Variants in NXPE4 observed in about 807,000 individuals in gnomAD.
The protein encoded by NXPE4 is neurexophilin and PC-esterase domain family member 4.
Under a neutral mutation model 33.3 loss-of-function variants are expected in NXPE4, and 42 were observed. The observed-to-expected ratio is 1.26, with a 90% CI of 0.98 to 1.63. The LOEUF is 1.63. Ranked by LOEUF, NXPE4 falls within the 40% of genes most tolerant of loss-of-function variation. The pLI, the probability that NXPE4 is intolerant of heterozygous loss-of-function variation, is 0.00. For synonymous variants in NXPE4, 253 were observed against 234.9 expected (o/e 1.08, Z -0.71); for missense variants, 709 against 647.6 (o/e 1.09, Z -1.03).
the NXPE4 span, among the ~76,000 whole-genome samples, chr11:114,666,306 G>A: frequency 6.6e-6 from 1 of 152,082 alleles, no homozygotes; most frequent in Non-Finnish European, 1.5e-5. Flanking sequence ...TTGCTAGCCT[G>A]AGGCCAGTTC....
chr11:114,580,288 T>C lies in NXPE4; in HGVS notation c.943A>G (p.Ile315Val), dbSNP rs193088648. The change falls in exon 5 of 6, where the codon ATC (isoleucine) becomes GTC (valine). Residue 315 changes from isoleucine (I) to valine (V), a missense_variant. Transcript: ENST00000375478. ...TTTCTCCAGACATGCCCACTGGGGA[T>C]TGTGGATGTCATTCCAAACTTGCAT... Reference protein sequence around the residue: ...EKCKFGMTSTIPSGHVWRNTW... With the variant: ...EKCKFGMTSTVPSGHVWRNTW... 5,497 of 1,614,066 alleles carry C rather than the reference T, an allele frequency of 3.4e-3. 14 individuals carry two copies. Among genetic ancestry groups the C allele is most frequent in the Non-Finnish European group, 4.2e-3 (4,945 of 1,179,944 alleles).
At chr11:114,608,894 C>T in the NXPE4 span, among the ~76,000 whole-genome samples, 1 of 150,232 alleles carries the variant, frequency 6.7e-6, no homozygotes, top group South Asian at 2.1e-4. Flanking sequence ...AGTATTGCCT[C>T]GTGGGTAACC....
At chr11:114,623,264 T>C in the NXPE4 span, among the ~76,000 whole-genome samples, 5 of 152,206 alleles carry the variant, frequency 3.3e-5, no homozygotes, top group African/African-American at 1.2e-4. Flanking sequence ...GTAATACATA[T>C]TGCCTCGTGG....
chr11:114,592,526 C>T (rs187965092), intron 2 of NXPE4, among the ~76,000 whole-genome samples: 35 of 151,962 alleles, frequency 2.3e-4, no homozygotes, highest in Non-Finnish European at 4.6e-4. Context: ...CACACACACA[C>T]ACACTCACAC....
rs111682413 is a variant in NXPE4 at position 114,592,757 on chromosome 11, G to T, written c.96+1907C>A. ...AGCAAAAAGAACAAAGCTGAAGGCA[G>T]TATATTACCTGACTTCAAAATATAC... On this transcript the variant is annotated intron_variant, in intron 2 of 5. Coordinates refer to ENST00000375478, the MANE Select transcript of NXPE4 (RefSeq NM_001077639.2). Among the ~76,000 whole-genome samples the T allele has an allele frequency of 3.5e-3, 525 of 152,158 alleles. 3 individuals carry two copies. The highest frequency in any genetic ancestry group is 0.012 in the African/African-American group (500 of 41,548).
chr11:114,649,087 A>T, the NXPE4 span, among the ~76,000 whole-genome samples: 1 of 151,642 alleles, frequency 6.6e-6, no homozygotes, highest in Non-Finnish European at 1.5e-5. Context: ...CTCCACTACC[A>T]TTCCATATTC....
the NXPE4 span, among the ~76,000 whole-genome samples, chr11:114,658,796 C>A: frequency 1.3e-5 from 2 of 152,052 alleles, no homozygotes; most frequent in African/African-American, 4.8e-5. Flanking sequence ...TTCCCTAACC[C>A]TACAAAATAA....
the NXPE4 span, among the ~76,000 whole-genome samples, chr11:114,605,655 G>A: frequency 6.6e-6 from 1 of 151,822 alleles, no homozygotes; most frequent in Non-Finnish European, 1.5e-5. Context: ...GTTAGCTGGT[G>A]GATAATACAT....
the NXPE4 span, among the ~76,000 whole-genome samples, chr11:114,676,138 C>T: frequency 2.6e-5 from 4 of 151,904 alleles, no homozygotes; most frequent in Admixed American, 2.6e-4. Context: ...GGACCTGAAA[C>T]TGTAAAACTG....
intron 1 of NXPE4, among the ~76,000 whole-genome samples, chr11:114,595,169 C>A (rs114389767): frequency 6.6e-6 from 1 of 152,246 alleles, no homozygotes; most frequent in Admixed American, 6.5e-5. Flanking sequence ...AGAACCACAT[C>A]ATTACAGTGC....
the NXPE4 span, among the ~76,000 whole-genome samples, chr11:114,650,463 A>G: frequency 1.3e-5 from 2 of 152,170 alleles, no homozygotes; most frequent in African/African-American, 4.8e-5. Context: ...TGCAGGCATG[A>G]AGGAAGTAAT....
At chr11:114,654,550 C>T in the NXPE4 span, among the ~76,000 whole-genome samples, 3 of 152,114 alleles carry the variant, frequency 2.0e-5, no homozygotes, top group Non-Finnish European at 4.4e-5. Context: ...TCAACTCCCA[C>T]TTATGAGTGA....
chr11:114,601,931 ATATATATTATATAATTATATATAATAT>A, the NXPE4 span, among the ~76,000 whole-genome samples: 1 of 62,662 alleles, frequency 1.6e-5, no homozygotes, highest in Non-Finnish European at 2.9e-5. Context: ...TAATATATTT[ATATATATTATATAATTATATATAATAT>A]TATATATTAT....
chr11:114,675,263 C>T, the NXPE4 span, among the ~76,000 whole-genome samples: 1 of 151,592 alleles, frequency 6.6e-6, no homozygotes. Flanking sequence ...AAGAGGATAC[C>T]CACTCTTGCC....
At chr11:114,625,882 A>G in the NXPE4 span, among the ~76,000 whole-genome samples, 2 of 152,172 alleles carry the variant, frequency 1.3e-5, no homozygotes, top group Admixed American at 6.5e-5. Context: ...GGGGTCAGGG[A>G]GTTCCCTTTC....
At chr11:114,633,937 C>T in the NXPE4 span, among the ~76,000 whole-genome samples, 5 of 152,000 alleles carry the variant, frequency 3.3e-5, no homozygotes, top group African/African-American at 4.8e-5. Context: ...GTGCATGTGT[C>T]TTTATAGCAG....
chr11:114,578,889 G>GT (rs1035727491), intron 5 of NXPE4, among the ~76,000 whole-genome samples: 11 of 152,094 alleles, frequency 7.2e-5, no homozygotes, highest in Non-Finnish European at 1.5e-4. Flanking sequence ...AATGGCTGTT[G>GT]TTTTTTTGGG....
Position 114,581,777 on chromosome 11 carries a change from C to T in NXPE4, c.840G>A (p.Val280=), listed in dbSNP as rs1319866835. Residue 280 remains valine, a synonymous_variant, in exon 4 of 6, where the codon GTG becomes GTA. Coordinates refer to ENST00000375478, the MANE Select transcript of NXPE4 (RefSeq NM_001077639.2). ...TGAATTTTTCCATAATCTCTACACC[C>T]ACATTTGACCTTAAAGACACAAATA... ...QEKSLFERSN[V]GVEIMEKFNT... 1 of 1,607,734 alleles carries T rather than the reference C, an allele frequency of 6.2e-7. No homozygotes were observed. The highest frequency in any genetic ancestry group is 8.5e-7 in the Non-Finnish European group (1 of 1,176,828).
chr11:114,578,918 A>G (rs1411004193), intron 5 of NXPE4, among the ~76,000 whole-genome samples: 1 of 152,218 alleles, frequency 6.6e-6, no homozygotes, highest in Non-Finnish European at 1.5e-5. Context: ...GTGTGCCACT[A>G]TGCCTTGCAA....
Sources: gnomAD v4.1 joint callset for allele counts (sites outside exome capture counted in the v4.1 genomes callset) on GRCh38, gnomAD v4.1.1 for gene constraint, MANE v1.5 for transcripts, NCBI Gene and HGNC (gene_info 2026-07-23, HGNC 2026-07-21) for gene names.